NAV2: variants seen among roughly 807,000 people sequenced by gnomAD.
The protein encoded by NAV2 is neuron navigator 2.
A neutral mutation model predicts 223.2 loss-of-function variants in NAV2; 54 were observed. The observed-to-expected ratio is 0.24, with a 90% CI of 0.19 to 0.30. The LOEUF (loss-of-function observed/expected upper bound fraction) is 0.30, where lower values mean the gene tolerates loss of function less well. Ranked by LOEUF, NAV2 falls within the 10% of genes least tolerant of loss-of-function variation. NAV2 has a pLI of 1.00. For missense variants in NAV2, 2,806 were observed against 3,147.5 expected (o/e 0.89, Z 2.60); for synonymous variants, 1,279 against 1,239.3 (o/e 1.03, Z -0.67).
chr11:19,724,948 T>A (rs1382326558), intron 1 of NAV2, among the ~76,000 whole-genome samples: 3 of 152,246 alleles, frequency 2.0e-5, no homozygotes, highest in African/African-American at 4.8e-5. Context: ...GTTGTTGAAC[T>A]GCAGCTTGGA....
intron 1 of NAV2, among the ~76,000 whole-genome samples, chr11:19,632,467 A>T (rs754115778): frequency 6.6e-6 from 1 of 151,946 alleles, no homozygotes. Context: ...ACAATTGCAG[A>T]CTGTCTTTGA....
chr11:20,078,972 C>T (rs2059926748), intron 24 of NAV2, among the ~76,000 whole-genome samples: 1 of 152,230 alleles, frequency 6.6e-6, no homozygotes, highest in Admixed American at 6.5e-5. Flanking sequence ...CTACAACAAT[C>T]TTGTGAGTGT....
chr11:19,761,337 C>T (rs952775299), intron 1 of NAV2, among the ~76,000 whole-genome samples: 8 of 152,066 alleles, frequency 5.3e-5, no homozygotes, highest in South Asian at 2.1e-4. Context: ...AGACAAAACA[C>T]GAGTAAACAA....
At position 19,460,385 on chromosome 11, in the gene NAV2, T is replaced by A. The variant is rs1012423431; in HGVS notation, c.75+109358T>A. Among the ~76,000 whole-genome samples, 4 of 152,296 alleles carry A rather than the reference T, an allele frequency of 2.6e-5. No individual in the cohort carries two copies. The South Asian group carries it at 6.2e-4, about 24-fold the overall frequency. On this transcript the variant is annotated intron_variant, in intron 1 of 37. Coordinates refer to the NAV2 transcript ENST00000360655. ...AGCCTCTTTTCACATTTGAAAATTT[T>A]CCTTTATAATCCCACTTTACCTAAC...
In NAV2 at chr11:19,933,513, G is replaced by T. The variant is rs764975526; in HGVS notation, c.1269G>T (p.Arg423=). ...GSKAGEGPGS[R]DTSCERLETL... ...AGGCAGGTGAGGGGCCGGGGTCCCG[G>T]GACACAAGCTGTGAGCGGCTGGAGA... Residue 423 remains arginine, a synonymous_variant, in exon 7 of 38, where the codon CGG becomes CGT. Coordinates refer to ENST00000349880, the MANE Select transcript of NAV2 (RefSeq NM_145117.5). This position sits in a 1 kb window ranked among gnomAD's most constrained non-coding sequence, Gnocchi z 4.3. The T allele has an allele frequency of 2.5e-6, 4 of 1,610,636 alleles. 1 individual carries two copies. In the South Asian group the frequency reaches 4.4e-5, roughly 18 times the overall value.
At chr11:19,440,594 C>G (rs971702149) in intron 1 of NAV2, among the ~76,000 whole-genome samples, 32 of 152,106 alleles carry the variant, frequency 2.1e-4, no homozygotes, top group African/African-American at 7.2e-4. Context: ...TTATTTGGTA[C>G]TGAGGATGCT....
chr11:20,077,373 C>A (rs1296585957), intron 22 of NAV2, among the ~76,000 whole-genome samples, 179 bp from the exon 23 acceptor site: 1 of 151,914 alleles, frequency 6.6e-6, no homozygotes, highest in Non-Finnish European at 1.5e-5. Flanking sequence ...GTTGTTTGAG[C>A]AAGTAGAAGA....
chr11:19,995,134 C>A (rs966075777), intron 11 of NAV2, among the ~76,000 whole-genome samples: 1 of 152,330 alleles, frequency 6.6e-6, no homozygotes. Context: ...GGGCAAGATG[C>A]TTCCCCTCTC....
chr11:19,849,874 TGTCTTTCAAAG>T (rs1249595756), intron 3 of NAV2, among the ~76,000 whole-genome samples: 2 of 152,174 alleles, frequency 1.3e-5, no homozygotes, highest in Middle Eastern at 3.2e-3. Context: ...CATCGTTCAT[TGTCTTTCAAAG>T]GTGGCAACAA....
At chr11:19,940,765 C>T (rs2046337830) in intron 8 of NAV2, among the ~76,000 whole-genome samples, 1 of 152,228 alleles carries the variant, frequency 6.6e-6, no homozygotes, top group Non-Finnish European at 1.5e-5. Context: ...GATTCTGGTT[C>T]CACTGCCTGG....
At chr11:20,036,783 A>T (rs1159429686) in intron 12 of NAV2, among the ~76,000 whole-genome samples, 2 of 152,144 alleles carry the variant, frequency 1.3e-5, no homozygotes, top group Non-Finnish European at 2.9e-5. Flanking sequence ...CCAGTATCCA[A>T]CCCCTTAGAC....
chr11:19,988,745 A>G (rs4757877), intron 11 of NAV2, among the ~76,000 whole-genome samples: 105,983 of 151,878 alleles, frequency 0.7, 37,917 homozygotes, highest in Middle Eastern at 0.83. Context: ...TGAGAATGTA[A>G]CTATGCAACC....
At chr11:19,451,332 G>C (rs113998821) in intron 1 of NAV2, among the ~76,000 whole-genome samples, 256 of 152,180 alleles carry the variant, frequency 1.7e-3, no homozygotes, top group African/African-American at 6.0e-3. Flanking sequence ...TATCCCCCAA[G>C]CAGCACAGAG....
intron 2 of NAV2, among the ~76,000 whole-genome samples, chr11:19,833,836 C>G (rs1195875283): frequency 6.6e-6 from 1 of 152,154 alleles, no homozygotes; most frequent in African/African-American, 2.4e-5. Flanking sequence ...ACTGTGGGCC[C>G]TGGCTTCTTG....
chr11:19,515,371 C>T (rs190168806), intron 1 of NAV2, among the ~76,000 whole-genome samples: 3 of 152,298 alleles, frequency 2.0e-5, no homozygotes, highest in African/African-American at 4.8e-5. Context: ...AACTTGCAGC[C>T]TCTCTGTCCT....
intron 1 of NAV2, among the ~76,000 whole-genome samples, chr11:19,473,984 G>T (rs938413578): frequency 6.6e-6 from 1 of 152,176 alleles, no homozygotes; most frequent in Non-Finnish European, 1.5e-5. Flanking sequence ...CATCAGGTCC[G>T]CTGGGGCCTG....
intron 22 of NAV2, among the ~76,000 whole-genome samples, chr11:20,076,292 C>A (rs1370577597): frequency 6.6e-6 from 1 of 152,190 alleles, no homozygotes; most frequent in African/African-American, 2.4e-5. Flanking sequence ...AAGTGCTTTT[C>A]TTTTCAATCC....
intron 14 of NAV2, 138 bp downstream of exon 14, chr11:20,045,808 C>A: frequency 1.4e-6 from 1 of 738,706 alleles, no homozygotes; most frequent in Non-Finnish European, 2.2e-6. Flanking sequence ...CAGATCAGGC[C>A]GGCAGTTTTG....
intron 1 of NAV2, among the ~76,000 whole-genome samples, chr11:19,668,715 G>A (rs193211428): frequency 1.3e-5 from 2 of 151,976 alleles, no homozygotes; most frequent in African/African-American, 4.8e-5. Flanking sequence ...AGACAGGGAC[G>A]CTGAGCCACC....
Sources: gnomAD v4.1 joint callset for allele counts (sites outside exome capture counted in the v4.1 genomes callset) on GRCh38, gnomAD v4.1.1 for gene constraint, Gnocchi (gnomAD v3.1) non-coding constraint, MANE v1.5 for transcripts, NCBI Gene and HGNC (gene_info 2026-07-23, HGNC 2026-07-21) for gene names.